The following CYP39A1 variants were observed in gnomAD, a reference collection of about 807,000 sequenced individuals.
The protein encoded by CYP39A1 is cytochrome P450 family 39 subfamily A member 1, also known as 24-hydroxycholesterol 7-alpha-hydroxylase.
A neutral mutation model predicts 58.1 loss-of-function variants in CYP39A1; 49 were observed. The ratio of observed to expected loss-of-function variants is 0.84; its 90% CI spans 0.67 to 1.07. The LOEUF is 1.07. Ranked by LOEUF, CYP39A1 falls within the 50% of genes least tolerant of loss-of-function variation. The probability of loss-of-function intolerance (pLI) is 0.00; values close to 1 mark genes in which losing one functional copy is unlikely to be tolerated. For synonymous variants in CYP39A1, 209 were observed against 187.6 expected, an observed-to-expected ratio of 1.11 and a Z score of -0.93; for missense variants, 531 against 539.4, an observed-to-expected ratio of 0.98 and a Z score of 0.16.
At chr6:46,614,579 A>G (rs1162050670) in intron 7 of CYP39A1, among the ~76,000 whole-genome samples, 2 of 152,274 alleles carry the variant, frequency 1.3e-5, no homozygotes, top group East Asian at 1.9e-4. Context: ...ACAGGAGAGT[A>G]TGCTCATTTT....
intron 1 of CYP39A1, among the ~76,000 whole-genome samples, chr6:46,650,837 G>A (rs1396342722): frequency 6.6e-6 from 1 of 151,922 alleles, no homozygotes; most frequent in Non-Finnish European, 1.5e-5. Flanking sequence ...TGTTTAGTCA[G>A]GAAAGCAATA....
At chr6:46,616,032 C>T (rs1774520532) in intron 7 of CYP39A1, among the ~76,000 whole-genome samples, 1 of 122,038 alleles carries the variant, frequency 8.2e-6, no homozygotes. Context: ...TCCCTCCCTC[C>T]TTTCCTCCTC....
chr6:46,591,627 G>A (rs1471272085), intron 8 of CYP39A1, among the ~76,000 whole-genome samples: 1 of 151,930 alleles, frequency 6.6e-6, no homozygotes, highest in East Asian at 1.9e-4. Context: ...AATATTGATA[G>A]ATTTAAAATA....
In CYP39A1 at chr6:46,612,515, G is replaced by A. The variant is rs545635718; in HGVS notation, c.931+12903C>T. Among the ~76,000 whole-genome samples, 107 of 152,284 alleles carry A rather than the reference G, an allele frequency of 7.0e-4. 1 individual carries two copies. The highest frequency in any genetic ancestry group is 2.5e-3 in the African/African-American group (103 of 41,566). Reference sequence around the variant, plus strand: ...TGTGGTCTTCAAGGTTGATAAATGAGAAGTAGTTTGTAAGAAGCTCCTCCA... The same window carrying A: ...TGTGGTCTTCAAGGTTGATAAATGAAAAGTAGTTTGTAAGAAGCTCCTCCA... On this transcript the variant is annotated intron_variant, in intron 7 of 11. Coordinates refer to ENST00000275016, the MANE Select transcript of CYP39A1 (RefSeq NM_016593.5).
chr6:46,593,367 A>C (rs1772956489), intron 8 of CYP39A1, among the ~76,000 whole-genome samples: 2 of 152,080 alleles, frequency 1.3e-5, no homozygotes, highest in Non-Finnish European at 2.9e-5. Flanking sequence ...CTCCCTTTAT[A>C]ACATAATCCT....
At chr6:46,583,009 A>G in intron 10 of CYP39A1, 2 of 954,086 alleles carry the variant, frequency 2.1e-6, no homozygotes, top group Non-Finnish European at 2.5e-6. Flanking sequence ...TAATTTTCCA[A>G]TAGATGTGAG....
intron 10 of CYP39A1, among the ~76,000 whole-genome samples, chr6:46,562,469 A>C (rs1771032938): frequency 6.6e-6 from 1 of 152,132 alleles, no homozygotes; most frequent in South Asian, 2.1e-4. Flanking sequence ...TGTCATTTAA[A>C]GTAAATACAT....
At chr6:46,595,866 T>C (rs1380075246) in intron 8 of CYP39A1, 121 bp downstream of exon 8, 6 of 976,948 alleles carry the variant, frequency 6.1e-6, no homozygotes, top group Admixed American at 2.5e-5. Context: ...GACAAATATA[T>C]AAAATATTTA....
rs143004528 is a variant in CYP39A1, at chr6:46,554,369, C to A, written c.1251-515G>T. On this transcript the variant is annotated intron_variant, in intron 10 of 11. Transcript: ENST00000275016. The stretch of plus-strand genomic sequence containing the variant: ...TGGACAGTCCTACCTAAGTCTAGAT[C>A]CTGTTGCCCACTGGAAATTACTGCC... 2.3e-3 allele frequency among the ~76,000 whole-genome samples: 357 copies of A among 152,240 alleles called. 17 individuals carry two copies. In the South Asian group the frequency reaches 0.047, roughly 20 times the overall value.
chr6:46,603,299 A>G (rs1050127279), intron 7 of CYP39A1, among the ~76,000 whole-genome samples: 32 of 152,228 alleles, frequency 2.1e-4, no homozygotes, highest in African/African-American at 7.2e-4. Context: ...CTAAGCAAAT[A>G]GCTACAGATA....
intron 7 of CYP39A1, among the ~76,000 whole-genome samples, chr6:46,598,790 T>C (rs777644203): frequency 2.0e-5 from 3 of 152,146 alleles, no homozygotes; most frequent in Non-Finnish European, 2.9e-5. Flanking sequence ...GTGCTTTGTC[T>C]AGACAATGTT....
At chr6:46,612,199 G>A (rs2150551289) in intron 7 of CYP39A1, among the ~76,000 whole-genome samples, 1 of 152,308 alleles carries the variant, frequency 6.6e-6, no homozygotes, top group South Asian at 2.1e-4. Context: ...AATCTCTTGA[G>A]CTAGGGTATC....
rs947229729 is a variant in CYP39A1 at position 46,642,147 on chromosome 6, T to C, written c.313+16A>G. The C allele has an allele frequency of 6.2e-7, 1 of 1,612,070 alleles. No individual in the cohort carries two copies. Among genetic ancestry groups the C allele is most frequent in the Non-Finnish European group, 8.5e-7 (1 of 1,178,842 alleles). ...AATGTTGGATTTCGAATGGACTATC[T>C]GAAAATATTCTTTACCTGTACGATA... On this transcript the variant is annotated intron_variant, in intron 2 of 11. Transcript: ENST00000275016.
At chr6:46,617,359 A>C (rs1561995564) in intron 7 of CYP39A1, among the ~76,000 whole-genome samples, 2 of 152,146 alleles carry the variant, frequency 1.3e-5, no homozygotes, top group Non-Finnish European at 2.9e-5. Flanking sequence ...GAGTGTTTTT[A>C]GTGGGTATTC....
chr6:46,641,008 G>A (rs1582461747), intron 2 of CYP39A1, among the ~76,000 whole-genome samples: 1 of 151,622 alleles, frequency 6.6e-6, no homozygotes, highest in South Asian at 2.1e-4. Flanking sequence ...GGTATGTATA[G>A]TATGCTACTA....
At chr6:46,574,751 G>C (rs568981899) in intron 10 of CYP39A1, among the ~76,000 whole-genome samples, 40 of 152,122 alleles carry the variant, frequency 2.6e-4, no homozygotes, top group African/African-American at 8.9e-4. Context: ...GTAAATAAAG[G>C]AAAAGGGTGT....
chr6:46,630,911 G>C, intron 6 of CYP39A1, 52 bp downstream of exon 6: 2 of 1,278,886 alleles, frequency 1.6e-6, no homozygotes, highest in South Asian at 2.5e-5. Context: ...AGGAAAAAAA[G>C]ATGAAAGGAC....
In CYP39A1 at chr6:46,636,498, T is replaced by C; in HGVS notation, c.639-16A>G. The C allele has an allele frequency of 2.6e-6, 4 of 1,528,972 alleles. No individual in the cohort carries two copies. Among genetic ancestry groups the C allele is most frequent in the Non-Finnish European group, 3.6e-6 (4 of 1,117,818 alleles). The allele number at this position is 1,528,972 out of a possible 1,614,324, so 94.7% of individuals were successfully genotyped here. A position where few individuals can be genotyped will look rare whatever the true frequency, so the allele number is the denominator to read the frequency against. ...TGACCAGTTTCTACATGAGAAAAAA[T>C]ATATATAGAAATTAATTGGAAAGCA... On this transcript the variant is annotated splice_polypyrimidine_tract_variant and intron_variant, in intron 4 of 11. Transcript: ENST00000275016.
intron 10 of CYP39A1, chr6:46,583,713 C>G (rs962608609): frequency 7.1e-6 from 3 of 424,256 alleles, no homozygotes; most frequent in Non-Finnish European, 9.5e-6. Context: ...TTCAGAACCC[C>G]CACGAATACG....
Sources: gnomAD v4.1 joint callset for allele counts (sites outside exome capture counted in the v4.1 genomes callset) on GRCh38, gnomAD v4.1.1 for gene constraint, MANE v1.5 for transcripts, NCBI Gene and HGNC (gene_info 2026-07-23, HGNC 2026-07-21) for gene names.